PRDM11: variants seen among roughly 807,000 people sequenced by gnomAD.
PRDM11 encodes the protein PR/SET domain 11, also known as PR domain-containing protein 11.
Under a neutral mutation model 97.8 loss-of-function variants are expected in PRDM11, and 20 were observed. The ratio of observed to expected loss-of-function variants is 0.20; its 90% CI spans 0.14 to 0.30. The LOEUF is 0.30. Among genes scored for constraint, PRDM11 ranks in the 10% least tolerant of loss-of-function variants. The pLI is 1.00. For missense variants in PRDM11, 1,139 were observed against 1,555.2 expected, an observed-to-expected ratio of 0.73 and a Z score of 4.50; for synonymous variants, 599 against 637.7, an observed-to-expected ratio of 0.94 and a Z score of 0.91.
At chr11:45,173,387 T>A (rs1272384693) in intron 1 of PRDM11, among the ~76,000 whole-genome samples, 1 of 152,064 alleles carries the variant, frequency 6.6e-6, no homozygotes, top group African/African-American at 2.4e-5. Context: ...TTTAGGAGGC[T>A]GAGGCAGGTG....
At chr11:45,213,771 G>A (rs1488443378) in intron 5 of PRDM11, 3 of 451,630 alleles carry the variant, frequency 6.6e-6, no homozygotes, top group East Asian at 7.0e-5. Flanking sequence ...ATCATCATCT[G>A]TATAAGACAA....
chr11:45,185,045 G>A (rs556634995), intron 4 of PRDM11, among the ~76,000 whole-genome samples: 3 of 152,268 alleles, frequency 2.0e-5, no homozygotes, highest in African/African-American at 7.2e-5. Flanking sequence ...GAGAAGAGAG[G>A]TTCTCCAGGC....
chr11:45,207,916 G>A (rs961847208), intron 5 of PRDM11, among the ~76,000 whole-genome samples: 1 of 152,180 alleles, frequency 6.6e-6, no homozygotes, highest in Non-Finnish European at 1.5e-5. Context: ...ATACCCTCAT[G>A]TCCTCTCTTG....
At chr11:45,224,029 A>G (rs771031375) in intron 6 of PRDM11, among the ~76,000 whole-genome samples, 188 bp from the exon 7 acceptor site, 6 of 152,242 alleles carry the variant, frequency 3.9e-5, no homozygotes, top group Non-Finnish European at 8.8e-5. Flanking sequence ...TCCACCGTTC[A>G]GGTCCTATGA....
chr11:45,129,550 T>A (rs969932298), intron 1 of PRDM11, among the ~76,000 whole-genome samples: 3 of 152,152 alleles, frequency 2.0e-5, no homozygotes, highest in Non-Finnish European at 4.4e-5. Context: ...ACTGAATTTT[T>A]AAAATCAAAT....
Position 45,227,555 on chromosome 11 carries a change from C to T in PRDM11, c.2930C>T (p.Ser977Phe), listed in dbSNP as rs756519484. The T allele has an allele frequency of 1.3e-6, 2 of 1,533,898 alleles. No individual in the cohort carries two copies. Among genetic ancestry groups the T allele is most frequent in the South Asian group, 1.2e-5 (1 of 83,960 alleles). The change falls in exon 8 of 8, where the codon TCC becomes TTC. Residue 977 changes from serine (S) to phenylalanine (F), a missense_variant. Ser to Phe is a radical substitution (Grantham distance 155). Transcript: ENST00000683152. This position sits in a 1 kb window ranked among gnomAD's most constrained non-coding sequence, Gnocchi z 8.0. ...TQVILAQRFD[S>F]RSRIFVKACQ... is the part of the protein sequence containing the mutation. ...GTCATCCTGGCTCAGAGGTTCGACTCCCGCAGCCGGATCTTTGTGAAGGCC... is the reference window on the plus strand; with the variant it reads ...GTCATCCTGGCTCAGAGGTTCGACTTCCGCAGCCGGATCTTTGTGAAGGCC...
rs148133999 is a variant in PRDM11, at chr11:45,116,076, G to C, written c.96+20175G>C. Among the ~76,000 whole-genome samples the C allele has an allele frequency of 2.6e-5, 4 of 152,076 alleles. No homozygotes were observed. In the East Asian group the frequency reaches 7.7e-4, roughly 29 times the overall value. On this transcript the variant is annotated intron_variant, in intron 1 of 6. Coordinates refer to the PRDM11 transcript ENST00000530656. ...CAATTACAAACAATTACAAATATCA[G>C]AAAGGTGTAACAATTACATACAAAT...
intron 1 of PRDM11, among the ~76,000 whole-genome samples, chr11:45,149,152 C>G (rs1208110087): frequency 6.6e-6 from 1 of 152,220 alleles, no homozygotes; most frequent in Non-Finnish European, 1.5e-5. Flanking sequence ...AGGACAACAG[C>G]AAGAGCCTCC....
chr11:45,179,348 T>C (rs947538064), intron 1 of PRDM11, among the ~76,000 whole-genome samples: 16 of 152,208 alleles, frequency 1.1e-4, no homozygotes, highest in Admixed American at 5.2e-4. Context: ...CCCTCCACAC[T>C]CGTCTGTGTC....
chr11:45,129,417 T>A (rs1007932769), intron 1 of PRDM11, among the ~76,000 whole-genome samples: 1 of 152,168 alleles, frequency 6.6e-6, no homozygotes, highest in African/African-American at 2.4e-5. Context: ...ATAAACAAAC[T>A]ATTAGAATTA....
intron 4 of PRDM11, among the ~76,000 whole-genome samples, chr11:45,197,980 C>T (rs1253964295): frequency 1.3e-5 from 2 of 152,070 alleles, no homozygotes; most frequent in African/African-American, 2.4e-5. Context: ...TGTAACAAAC[C>T]TGCATGTTGT....
intron 1 of PRDM11, among the ~76,000 whole-genome samples, chr11:45,166,184 G>A (rs1852059913): frequency 6.6e-6 from 1 of 152,168 alleles, no homozygotes; most frequent in Non-Finnish European, 1.5e-5. Context: ...TGGATCCAGG[G>A]GCTTACACTG....
Position 45,179,486 on chromosome 11 carries a change from G to A in PRDM11, c.-6-2275G>A, listed in dbSNP as rs148897151. 6.9e-3 allele frequency among the ~76,000 whole-genome samples: 1,055 copies of A among 152,280 alleles called. 12 individuals are homozygous for A. Among genetic ancestry groups the A allele is most frequent in the African/African-American group, 0.024 (1,000 of 41,548 alleles). On this transcript the variant is annotated intron_variant, in intron 1 of 7. Coordinates refer to ENST00000683152, the MANE Select transcript of PRDM11 (RefSeq NM_001384648.1). The stretch of plus-strand genomic sequence containing the variant: ...TCTCAGGCTGCCATGACAAAATACC[G>A]TAGATGGGGGTGCTTAAACAACAGC...
chr11:45,116,540 C>G (rs10838415), intron 1 of PRDM11, among the ~76,000 whole-genome samples: 69,899 of 151,988 alleles, frequency 0.46, 18,065 homozygotes, highest in Non-Finnish European at 0.58. Flanking sequence ...TTAAATAACT[C>G]CTTGGTGAAA....
Position 45,224,368 on chromosome 11 carries a change from G to A in PRDM11, c.894G>A (p.Lys298=), listed in dbSNP as rs200700967. The change falls in exon 7 of 8, where the codon AAG becomes AAA. Residue 298 remains lysine (K), a synonymous_variant. Transcript: ENST00000683152. ...DEGDVHPQAK[K]KKIDLIFKDV... is the part of the protein sequence containing the mutation. ...GGGATGTACACCCCCAAGCTAAGAA[G>A]AAGAAAATTGACCTGATTTTCAAGG... 6.2e-7 allele frequency: 1 copy of A among 1,614,072 alleles called. No individual in the cohort carries two copies. The highest frequency in any genetic ancestry group is 1.3e-5 in the African/African-American group (1 of 74,920).
At position 45,170,483 on chromosome 11, in the gene PRDM11, C is replaced by T. The variant is rs531820896; in HGVS notation, c.-6-11278C>T. Among the ~76,000 whole-genome samples the T allele has an allele frequency of 1.6e-3, 243 of 152,196 alleles. 1 individual carries two copies. The highest frequency in any genetic ancestry group is 5.0e-3 in the African/African-American group (207 of 41,506). On this transcript the variant is annotated intron_variant, in intron 1 of 7. Transcript: ENST00000683152. ...GGGAGCAAGCCACATGGGTATAAGG[C>T]GGAAGAGCATCTCAGGCAGAGGGAA... is the stretch of plus-strand genomic sequence containing the variant.
chr11:45,215,053 C>T (rs1013978305), intron 5 of PRDM11, among the ~76,000 whole-genome samples: 6 of 152,230 alleles, frequency 3.9e-5, no homozygotes, highest in African/African-American at 1.4e-4. Context: ...GCGAGAAGTT[C>T]TGGAAAAACA....
At chr11:45,136,358 G>C (rs1490374588) in intron 1 of PRDM11, among the ~76,000 whole-genome samples, 1 of 152,050 alleles carries the variant, frequency 6.6e-6, no homozygotes, top group African/African-American at 2.4e-5. Context: ...GTGAAAAGGT[G>C]TCCATCTCCT....
chr11:45,208,797 G>T, intron 5 of PRDM11: 1 of 368,230 alleles, frequency 2.7e-6, no homozygotes, highest in Non-Finnish European at 5.5e-6. Flanking sequence ...CCAGCTGGGG[G>T]CCAGCAATTA....
Sources: allele counts gnomAD v4.1 joint callset (sites outside exome capture counted in the v4.1 genomes callset), GRCh38; gene constraint gnomAD v4.1.1; non-coding constraint Gnocchi (gnomAD v3.1); transcripts MANE v1.5; gene names NCBI Gene and HGNC (gene_info 2026-07-23, HGNC 2026-07-21).